LRRC69: variants seen among roughly 807,000 people sequenced by gnomAD.
LRRC69 encodes the protein leucine-rich repeat-containing protein 69.
Under a neutral mutation model 37.8 loss-of-function variants are expected in LRRC69, and 42 were observed. The observed-to-expected ratio is 1.11, with a 90% CI of 0.87 to 1.44. The LOEUF (loss-of-function observed/expected upper bound fraction) is 1.44, where lower values mean the gene tolerates loss of function less well. Ranked by LOEUF, LRRC69 falls within the 40% of genes most tolerant of loss-of-function variation. The pLI, the probability that LRRC69 is intolerant of heterozygous loss-of-function variation, is 0.00. For missense variants in LRRC69, 357 were observed against 401.9 expected (o/e 0.89, Z 0.96); for synonymous variants, 141 against 143.1 (o/e 0.99, Z 0.11).
intron 5 of LRRC69, among the ~76,000 whole-genome samples, chr8:91,168,150 TG>T (rs1272440174): frequency 5.9e-5 from 9 of 151,868 alleles, no homozygotes; most frequent in African/African-American, 2.2e-4. Context: ...CTTAGGGCAT[TG>T]TAAGCCCAGG....
At chr8:91,202,210 A>T (rs1473263185) in intron 7 of LRRC69, among the ~76,000 whole-genome samples, 2 of 144,550 alleles carry the variant, frequency 1.4e-5, no homozygotes, top group African/African-American at 5.8e-5. Context: ...TGTCTAAAAC[A>T]AAAACAAAAA....
At chr8:91,142,846 C>T (rs547152707) in intron 5 of LRRC69, among the ~76,000 whole-genome samples, 36 of 152,104 alleles carry the variant, frequency 2.4e-4, no homozygotes, top group South Asian at 1.5e-3. Flanking sequence ...TCATGCTATA[C>T]AAATAAGGCA....
intron 5 of LRRC69, among the ~76,000 whole-genome samples, chr8:91,138,603 G>C (rs187164394): frequency 2.7e-5 from 4 of 146,512 alleles, no homozygotes; most frequent in Admixed American, 2.7e-4. Flanking sequence ...AACTGTATTT[G>C]CACTAGGACT....
intron 5 of LRRC69, among the ~76,000 whole-genome samples, chr8:91,161,346 G>A (rs533317076): frequency 5.3e-5 from 8 of 151,268 alleles, no homozygotes; most frequent in South Asian, 2.1e-4. Flanking sequence ...CTTTCTTTTC[G>A]GAATGGTTTG....
intron 5 of LRRC69, chr8:91,157,722 A>G: frequency 6.2e-7 from 1 of 1,604,332 alleles, no homozygotes; most frequent in Non-Finnish European, 8.5e-7. Flanking sequence ...ACTGTGAACC[A>G]ATGCAGGTGG....
intron 5 of LRRC69, among the ~76,000 whole-genome samples, chr8:91,149,209 G>A (rs1416650121): frequency 1.3e-5 from 2 of 151,832 alleles, no homozygotes; most frequent in Non-Finnish European, 2.9e-5. Context: ...GGGTTTTTAT[G>A]GTTTTAGGTC....
chr8:91,110,229 C>T (rs924204753), intron 1 of LRRC69, among the ~76,000 whole-genome samples: 1 of 152,002 alleles, frequency 6.6e-6, no homozygotes, highest in African/African-American at 2.4e-5. Context: ...CATATTTATA[C>T]ATCTTATAGG....
intron 5 of LRRC69, among the ~76,000 whole-genome samples, chr8:91,136,218 C>T (rs940589764): frequency 1.1e-4 from 16 of 151,832 alleles, no homozygotes; most frequent in Admixed American, 9.9e-4. Context: ...TTGGCAACTC[C>T]TAACTTTTGA....
chr8:91,114,828 G>C (rs2130486609), intron 1 of LRRC69, among the ~76,000 whole-genome samples: 1 of 152,112 alleles, frequency 6.6e-6, no homozygotes, highest in South Asian at 2.1e-4. Context: ...CCATAGTAAA[G>C]TGACACATGA....
At chr8:91,156,666 T>C (rs1808841495) in intron 5 of LRRC69, among the ~76,000 whole-genome samples, 1 of 151,142 alleles carries the variant, frequency 6.6e-6, no homozygotes, top group Non-Finnish European at 1.5e-5. Context: ...TCTATTTTGA[T>C]TTTGAGTCTT....
At chr8:91,124,649 A>G (rs1212598849) in intron 2 of LRRC69, 30 bp downstream of exon 2, 1 of 1,489,812 alleles carries the variant, frequency 6.7e-7, no homozygotes, top group African/African-American at 1.4e-5. Flanking sequence ...ACAACATTAT[A>G]GCATCAAATT....
intron 5 of LRRC69, among the ~76,000 whole-genome samples, chr8:91,153,206 G>T (rs933259304): frequency 2.0e-5 from 3 of 151,510 alleles, no homozygotes; most frequent in South Asian, 4.1e-4. Flanking sequence ...GGAGGACCCA[G>T]ATTTGTAACG....
At chr8:91,149,197 T>C (rs1455122750) in intron 5 of LRRC69, among the ~76,000 whole-genome samples, 1 of 152,140 alleles carries the variant, frequency 6.6e-6, no homozygotes, top group African/African-American at 2.4e-5. Context: ...GGTTTTCTTC[T>C]AGGGTTTTTA....
At chr8:91,150,568 A>C (rs932558463) in intron 5 of LRRC69, among the ~76,000 whole-genome samples, 46 of 152,080 alleles carry the variant, frequency 3.0e-4, no homozygotes, top group Admixed American at 3.9e-4. Context: ...TGTCTCTGCC[A>C]GGCTTTGGTA....
chr8:91,133,165 A>T lies in LRRC69; in HGVS notation c.439A>T (p.Arg147Ter). Residue 147 changes from arginine (R) to a stop codon, truncating the protein, a stop_gained, in exon 4 of 8, where the codon AGA becomes TGA. Transcript: ENST00000448384. LOFTEE classifies it high-confidence loss of function. ...TTATAACCAACTAGCCAGCATTCCT[A>T]GAGAACTTTGTTTTCTTGAGAATCT... 6.5e-7 allele frequency: 1 copy of T among 1,541,742 alleles called. No homozygotes were observed. Among genetic ancestry groups the T allele is most frequent in the South Asian group, 1.2e-5 (1 of 82,592 alleles).
At chr8:91,206,181 A>G (rs948418663) in intron 7 of LRRC69, among the ~76,000 whole-genome samples, 2 of 152,252 alleles carry the variant, frequency 1.3e-5, no homozygotes, top group Non-Finnish European at 2.9e-5. Context: ...TCCTCCTTTA[A>G]TTAGTTTGTC....
chr8:91,158,877 A>T, intron 5 of LRRC69: 1 of 615,418 alleles, frequency 1.6e-6, no homozygotes, highest in Non-Finnish European at 3.0e-6. Flanking sequence ...GACTGGAAAC[A>T]TACAACTTTG....
At chr8:91,105,116 G>T (rs1813287667) in intron 1 of LRRC69, among the ~76,000 whole-genome samples, 1 of 151,916 alleles carries the variant, frequency 6.6e-6, no homozygotes, top group Non-Finnish European at 1.5e-5. Context: ...CAACTGATTT[G>T]CAACTAGGCT....
At position 91,162,202 on chromosome 8, in the gene LRRC69, C is replaced by G. The variant is rs75758586; in HGVS notation, c.651+26463C>G. ...TTTATCCTGGAGAATGTTCCATGTG[C>G]TGGAAAGAAGAATGTGTATTCTGCA... On this transcript the variant is annotated intron_variant, in intron 5 of 7. Transcript: ENST00000448384. Among the ~76,000 whole-genome samples the G allele has an allele frequency of 3.7e-3, 566 of 151,476 alleles. 4 individuals are homozygous for G. Among genetic ancestry groups the G allele is most frequent in the African/African-American group, 0.013 (533 of 41,460 alleles).
Sources: gnomAD v4.1 joint callset for allele counts (sites outside exome capture counted in the v4.1 genomes callset) on GRCh38, gnomAD v4.1.1 for gene constraint, MANE v1.5 for transcripts, NCBI Gene and HGNC (gene_info 2026-07-23, HGNC 2026-07-21) for gene names.